The following FBXO42 variants were observed in gnomAD, a reference collection of about 807,000 sequenced individuals.
FBXO42 encodes the protein F-box only protein 42.
Under a neutral mutation model 71.7 loss-of-function variants are expected in FBXO42, and 12 were observed. The observed-to-expected ratio is 0.17, with a 90% CI of 0.11 to 0.27. FBXO42 has a LOEUF of 0.27. FBXO42 is among the 10% of genes least tolerant of loss of function. The pLI, the probability that FBXO42 is intolerant of heterozygous loss-of-function variation, is 1.00. For missense variants in FBXO42, 707 were observed against 911.9 expected, an observed-to-expected ratio of 0.78 and a Z score of 2.89; for synonymous variants, 325 against 327.5, an observed-to-expected ratio of 0.99 and a Z score of 0.08.
At chr1:16,333,446 C>CCA (rs571937358) in intron 1 of FBXO42, among the ~76,000 whole-genome samples, 2 of 140,842 alleles carry the variant, frequency 1.4e-5, no homozygotes, top group East Asian at 4.3e-4. Context: ...ACCCCCCCCC[C>CCA]CCATTTCCAA....
chr1:16,251,223 G>T lies in FBXO42; in HGVS notation c.1601C>A (p.Thr534Lys). The T allele has an allele frequency of 6.2e-7, 1 of 1,614,194 alleles. No individual in the cohort carries two copies. The highest frequency in any genetic ancestry group is 2.2e-5 in the East Asian group (1 of 44,870). ...GGSMRHPPEQ[T>K]NGVHTPPHVA... ...GTGAGGTGGGGTATGCACACCATTT[G>T]TCTGTTCAGGAGGGTGTCTCATACT... The change falls in exon 10 of 10, where the codon ACA (threonine) becomes AAA (lysine). Residue 534 changes from threonine (T) to lysine (K), a missense_variant. Transcript: ENST00000375592. This position sits in a 1 kb window ranked among gnomAD's most constrained non-coding sequence, Gnocchi z 4.5.
chr1:16,289,303 C>A (rs2082054905), intron 4 of FBXO42, among the ~76,000 whole-genome samples: 1 of 151,682 alleles, frequency 6.6e-6, no homozygotes, highest in Non-Finnish European at 1.5e-5. Flanking sequence ...ATGCAGGAGG[C>A]CGAGGTGGGA....
Position 16,251,520 on chromosome 1 carries a change from C to A in FBXO42, c.1304G>T (p.Gly435Val). The change falls in exon 10 of 10, where the codon GGC becomes GTC. Residue 435 changes from glycine to valine, a missense_variant. Around this residue, in one of 5 missense-constraint regions of FBXO42, gnomAD observed 482 missense variants for 587.1 expected, o/e 0.82. Transcript: ENST00000375592. The surrounding 1 kb of genome is among the most constrained non-coding windows in gnomAD (Gnocchi z 4.5). ...EGSLSPARGDGSPILNGGSLS... is the reference protein window; with the variant it reads ...EGSLSPARGDVSPILNGGSLS... ...ACTCCCACCATTGAGGATAGGAGAG[C>A]CGTCTCCTCTGGCTGGGGAAAGGCT... 1 of 1,614,136 alleles carries A rather than the reference C, an allele frequency of 6.2e-7. No homozygotes were observed. Among genetic ancestry groups the A allele is most frequent in the Non-Finnish European group, 8.5e-7 (1 of 1,179,996 alleles).
chr1:16,316,358 C>G (rs1234822806), intron 1 of FBXO42, among the ~76,000 whole-genome samples: 1 of 151,852 alleles, frequency 6.6e-6, no homozygotes. Context: ...TCACATCGCT[C>G]TAGTACATCA....
chr1:16,333,049 G>A (rs1009432407), intron 1 of FBXO42, among the ~76,000 whole-genome samples: 12 of 151,880 alleles, frequency 7.9e-5, no homozygotes, highest in East Asian at 3.9e-4. Flanking sequence ...CAGAAATACC[G>A]TACTCCTACT....
At chr1:16,274,184 C>T (rs2081873953) in intron 4 of FBXO42, among the ~76,000 whole-genome samples, 1 of 148,750 alleles carries the variant, frequency 6.7e-6, no homozygotes, top group Non-Finnish European at 1.5e-5. Flanking sequence ...TGTGCATCTG[C>T]AATCCCAGCT....
chr1:16,323,447 T>C (rs1353524756), intron 1 of FBXO42, among the ~76,000 whole-genome samples: 1 of 150,932 alleles, frequency 6.6e-6, no homozygotes, highest in African/African-American at 2.4e-5. Flanking sequence ...AAAAAAGTAA[T>C]TAAGGGAACT....
At chr1:16,331,182 G>C (rs2082495612) in intron 1 of FBXO42, among the ~76,000 whole-genome samples, 1 of 151,540 alleles carries the variant, frequency 6.6e-6, no homozygotes, top group Admixed American at 6.6e-5. Context: ...GGGAGGCCGA[G>C]GTGGGCGGAT....
At chr1:16,296,649 C>CAAAAAAAAAAAAAAAAAACAAAAA (rs2082133057) in intron 3 of FBXO42, among the ~76,000 whole-genome samples, 1 of 91,336 alleles carries the variant, frequency 1.1e-5, no homozygotes, top group African/African-American at 3.9e-5. Flanking sequence ...GACTCCATCT[C>CAAAAAAAAAAAAAAAAAACAAAAA]AAAAAAAAAA....
At chr1:16,291,492 T>C (rs1038828711) in intron 4 of FBXO42, among the ~76,000 whole-genome samples, 3 of 151,712 alleles carry the variant, frequency 2.0e-5, no homozygotes, top group African/African-American at 4.8e-5. Flanking sequence ...GTGATTCTCA[T>C]GCTTCAACCT....
intron 3 of FBXO42, among the ~76,000 whole-genome samples, chr1:16,295,512 T>A (rs2100532456): frequency 6.6e-6 from 1 of 152,202 alleles, no homozygotes; most frequent in Non-Finnish European, 1.5e-5. Flanking sequence ...TGCCTCAGCC[T>A]CCCAAGTAGC....
At chr1:16,272,144 G>C (rs2081853603) in intron 4 of FBXO42, among the ~76,000 whole-genome samples, 1 of 110,476 alleles carries the variant, frequency 9.1e-6, no homozygotes, top group African/African-American at 3.5e-5. Context: ...GACAGAGCAA[G>C]ACTCCGTCCC....
intron 1 of FBXO42, among the ~76,000 whole-genome samples, chr1:16,327,715 T>C (rs1356782406): frequency 6.6e-6 from 1 of 152,156 alleles, no homozygotes; most frequent in East Asian, 1.9e-4. Context: ...TTTTGTTTTG[T>C]TTTTTAAGAC....
Position 16,294,770 on chromosome 1 carries a change from T to G in FBXO42, c.502+13A>C. 1 of 1,612,746 alleles carries G rather than the reference T, an allele frequency of 6.2e-7. No homozygotes were observed. The highest frequency in any genetic ancestry group is 8.5e-7 in the Non-Finnish European group (1 of 1,179,392). ...CCTGGTAAGGAGGCAAAGATCAGCA[T>G]TTCATCTCTTACCTGAAGCCAAAGG... On this transcript the variant is annotated intron_variant, in intron 4 of 9. Transcript: ENST00000375592.
chr1:16,342,882 G>A (rs1317376415), intron 1 of FBXO42, among the ~76,000 whole-genome samples: 1 of 152,040 alleles, frequency 6.6e-6, no homozygotes, highest in Non-Finnish European at 1.5e-5. Context: ...GGGAGAGTAG[G>A]TTGTTATAAA....
At position 16,252,297 on chromosome 1, in the gene FBXO42, T is replaced by C. The variant is rs2081599985; in HGVS notation, c.1029A>G (p.Pro343=). 6.2e-7 allele frequency: 1 copy of C among 1,613,454 alleles called. No individual in the cohort carries two copies. The change falls in exon 9 of 10, where the codon CCA becomes CCG. Residue 343 remains proline, a synonymous_variant. Coordinates refer to ENST00000375592, the MANE Select transcript of FBXO42 (RefSeq NM_018994.3). The surrounding 1 kb of genome is among the most constrained non-coding windows in gnomAD (Gnocchi z 4.4). ...TCAGCTCCCTGCTTACCCGGCAAGC[T>C]GGATGGCACCACAGTTCTGGGGCCC... ...EHGAPELWCH[P]ACRVGQCVVV...
intron 4 of FBXO42, among the ~76,000 whole-genome samples, chr1:16,282,541 A>C (rs2081975608): frequency 6.6e-6 from 1 of 151,194 alleles, no homozygotes; most frequent in Admixed American, 6.6e-5. Context: ...CTCTTTTAAA[A>C]AAAAAAAAAA....
chr1:16,274,040 G>C (rs193034663), intron 4 of FBXO42, among the ~76,000 whole-genome samples: 3 of 152,224 alleles, frequency 2.0e-5, no homozygotes, highest in Non-Finnish European at 2.9e-5. Flanking sequence ...CCATTTACAC[G>C]AAGTTCAAGA....
At chr1:16,335,853 C>T (rs1050821104) in intron 1 of FBXO42, among the ~76,000 whole-genome samples, 15 of 141,624 alleles carry the variant, frequency 1.1e-4, no homozygotes, top group African/African-American at 3.5e-4. Context: ...GGTGACAGTG[C>T]GAGACTCCAT....
Sources: gnomAD v4.1 joint callset for allele counts (sites outside exome capture counted in the v4.1 genomes callset) on GRCh38, gnomAD v4.1.1 for gene constraint, gnomAD v4.1.1 regional missense constraint, Gnocchi (gnomAD v3.1) non-coding constraint, MANE v1.5 for transcripts, NCBI Gene and HGNC (gene_info 2026-07-23, HGNC 2026-07-21) for gene names.